Variants in DNAH12 observed in about 807,000 individuals in gnomAD.
The protein encoded by DNAH12 is axonemal beta dynein heavy chain 12.
A neutral mutation model predicts 371.5 loss-of-function variants in DNAH12; 285 were observed. That is an observed-to-expected ratio of 0.77 (90% CI 0.70 to 0.85). The LOEUF (loss-of-function observed/expected upper bound fraction) is 0.85, where lower values mean the gene tolerates loss of function less well. Among genes scored for constraint, DNAH12 ranks in the 40% least tolerant of loss-of-function variants. The probability of loss-of-function intolerance (pLI) is 0.00; values close to 1 mark genes in which losing one functional copy is unlikely to be tolerated. For synonymous variants in DNAH12, 1,200 were observed against 1,213.0 expected, an observed-to-expected ratio of 0.99 and a Z score of 0.22; for missense variants, 3,611 against 3,689.4, an observed-to-expected ratio of 0.98 and a Z score of 0.55.
chr3:57,348,772 G>A (rs1334607739), intron 60 of DNAH12, among the ~76,000 whole-genome samples: 1 of 152,194 alleles, frequency 6.6e-6, no homozygotes. Context: ...ACTCAGTATT[G>A]TGAAATTGTT....
chr3:57,420,928 AAAG>A (rs1417545780), intron 36 of DNAH12, among the ~76,000 whole-genome samples: 3 of 151,270 alleles, frequency 2.0e-5, no homozygotes, highest in Non-Finnish European at 4.4e-5. Flanking sequence ...AAAAAAAAAA[AAAG>A]AAAGAAATAA....
intron 60 of DNAH12, among the ~76,000 whole-genome samples, chr3:57,335,309 C>G (rs892723680): frequency 1.3e-5 from 2 of 152,040 alleles, no homozygotes; most frequent in Admixed American, 1.3e-4. Context: ...AGGACATCAG[C>G]ATTAGGGAAA....
intron 63 of DNAH12, 58 bp downstream of exon 63, chr3:57,323,411 G>A: frequency 6.7e-7 from 1 of 1,485,200 alleles, no homozygotes; most frequent in Non-Finnish European, 8.9e-7. Context: ...TAAGGAATCA[G>A]TATTGAGCAA....
At chr3:57,339,022 T>C (rs550009576) in intron 60 of DNAH12, among the ~76,000 whole-genome samples, 3,608 of 152,302 alleles carry the variant, frequency 0.024, 66 homozygotes, top group Admixed American at 0.035. Context: ...CTCCATTTTG[T>C]TCTGTACTAA....
chr3:57,471,392 T>C (rs1389473572), intron 15 of DNAH12, 80 bp downstream of exon 15: 1 of 1,300,386 alleles, frequency 7.7e-7, no homozygotes. Context: ...CATATTTTTC[T>C]ATACTTTTAA....
At chr3:57,545,323 T>TC (rs1187039996), upstream of DNAH12, among the ~76,000 whole-genome samples, 6 of 151,072 alleles carry the variant, frequency 4.0e-5, no homozygotes, top group East Asian at 9.7e-4. Context: ...TTTTTTCTTT[T>TC]CTTTTTTTTT....
chr3:57,406,641 T>G (rs1337275633), intron 40 of DNAH12, among the ~76,000 whole-genome samples: 1 of 152,160 alleles, frequency 6.6e-6, no homozygotes, highest in Non-Finnish European at 1.5e-5. Flanking sequence ...AGATAACTCA[T>G]GCTGAATCAT....
In DNAH12 at chr3:57,461,504, A is replaced by C; in HGVS notation, c.2721T>G (p.Phe907Leu). ...TTTAACATACCTTGATCTCATGTTC[A>C]AATGGTTTGATGAAAGGTGAGCCTC... ...TMRGSPFIKP[F>L]EHEIKAWEDR... Residue 907 changes from phenylalanine (F) to leucine (L), a missense_variant, in exon 19 of 74, where the codon TTT becomes TTG. Phe to Leu is a conservative substitution (Grantham distance 22). Transcript: ENST00000495027. The C allele has an allele frequency of 6.4e-7, 1 of 1,551,328 alleles. No individual in the cohort carries two copies. Among genetic ancestry groups the C allele is most frequent in the South Asian group, 1.2e-5 (1 of 84,054 alleles).
At chr3:57,396,352 CAATAT>C (rs1423585585) in intron 43 of DNAH12, among the ~76,000 whole-genome samples, 2 of 142,220 alleles carry the variant, frequency 1.4e-5, no homozygotes, top group Non-Finnish European at 3.1e-5. Context: ...ATTTACAATA[CAATAT>C]AAACAAACAT....
chr3:57,404,876 G>A (rs1466450693), intron 42 of DNAH12, 93 bp downstream of exon 42: 1 of 1,156,216 alleles, frequency 8.6e-7, no homozygotes, highest in Non-Finnish European at 1.2e-6. Flanking sequence ...GTCATTCACT[G>A]TATTTTTCTT....
At position 57,472,599 on chromosome 3, in the gene DNAH12, T is replaced by C. The variant is rs556035937; in HGVS notation, c.1723A>G (p.Thr575Ala). ...ATTTTCCTAGGCCACATGAGGACAG[T>C]TGCATTTAAAGCTAAGTCTTCTTGA... ...FPQEDLALNA[T>A]VLMWPRKINP... The change falls in exon 14 of 74, where the codon ACT becomes GCT. Residue 575 changes from threonine (T) to alanine (A), a missense_variant. By Grantham distance (58) the Thr-to-Ala change is moderately conservative. Transcript: ENST00000495027. 47 of 1,551,154 alleles carry C rather than the reference T, an allele frequency of 3.0e-5. No homozygotes were observed. Among genetic ancestry groups the C allele is most frequent in the South Asian group, 3.0e-4 (25 of 83,918 alleles).
chr3:57,438,209 G>C (rs2065190057), intron 29 of DNAH12, among the ~76,000 whole-genome samples: 1 of 152,168 alleles, frequency 6.6e-6, no homozygotes, highest in African/African-American at 2.4e-5. Flanking sequence ...TACTCGGGAG[G>C]CTGAGGCAGG....
At chr3:57,511,323 G>A (rs1386556100) in intron 4 of DNAH12, among the ~76,000 whole-genome samples, 1 of 152,034 alleles carries the variant, frequency 6.6e-6, no homozygotes, top group African/African-American at 2.4e-5. Context: ...TGTTCTAAAT[G>A]CTGGGTATAT....
chr3:57,325,414 C>T (rs528443395), intron 62 of DNAH12, among the ~76,000 whole-genome samples: 25 of 152,272 alleles, frequency 1.6e-4, no homozygotes, highest in Non-Finnish European at 2.4e-4. Flanking sequence ...TCGTGGTTCA[C>T]GAAAAACCAC....
At chr3:57,509,377 T>C in intron 5 of DNAH12, among the ~76,000 whole-genome samples, 165 bp from the exon 6 acceptor site, 1 of 152,216 alleles carries the variant, frequency 6.6e-6, no homozygotes, top group East Asian at 1.9e-4. Context: ...GGTAGTATTT[T>C]GGCCTTACTT....
At chr3:57,294,182 T>C (rs1175152590) in intron 73 of DNAH12, among the ~76,000 whole-genome samples, 11 of 148,484 alleles carry the variant, frequency 7.4e-5, no homozygotes, top group East Asian at 5.8e-4. Flanking sequence ...TTTTCTTTTT[T>C]TTTTTTTTTT....
intron 43 of DNAH12, among the ~76,000 whole-genome samples, chr3:57,396,005 G>A (rs1417233038): frequency 2.0e-5 from 3 of 151,606 alleles, no homozygotes; most frequent in African/African-American, 2.4e-5. Context: ...TAGGCTGGGC[G>A]CGGTGGCTCA....
chr3:57,348,236 G>A (rs1307014017), intron 60 of DNAH12, among the ~76,000 whole-genome samples: 1 of 152,102 alleles, frequency 6.6e-6, no homozygotes, highest in African/African-American at 2.4e-5. Flanking sequence ...TTACTACTAA[G>A]AGAAAAAATC....
chr3:57,355,307 G>A (rs2062772922), intron 59 of DNAH12, among the ~76,000 whole-genome samples: 2 of 152,048 alleles, frequency 1.3e-5, no homozygotes, highest in African/African-American at 4.8e-5. Flanking sequence ...GAATTTTGGA[G>A]TCATTAATGG....
Sources: gnomAD v4.1 joint callset for allele counts (sites outside exome capture counted in the v4.1 genomes callset) on GRCh38, gnomAD v4.1.1 for gene constraint, MANE v1.5 for transcripts, NCBI Gene and HGNC (gene_info 2026-07-23, HGNC 2026-07-21) for gene names.